SV2C: variants seen among roughly 807,000 people sequenced by gnomAD.
The protein encoded by SV2C is solute carrier family 22 member B3.
In SV2C, 49 loss-of-function variants were observed where a neutral mutation model predicts 79.7. The observed-to-expected ratio is 0.61, with a 90% confidence interval of 0.49 to 0.78. SV2C has a LOEUF of 0.78. SV2C is among the 30% of genes least tolerant of loss of function. The pLI, the probability that SV2C is intolerant of heterozygous loss-of-function variation, is 0.00. For synonymous variants in SV2C, 334 were observed against 333.2 expected (o/e 1.00, Z -0.03); for missense variants, 833 against 912.9 (o/e 0.91, Z 1.13).
the SV2C span, chr5:75,911,903 A>G: frequency 2.0e-6 from 1 of 496,106 alleles, no homozygotes; most frequent in South Asian, 1.5e-5. Context: ...CTCACCCCAC[A>G]CCTCCCCAAA....
In SV2C at chr5:76,183,271, C is replaced by T. The variant is rs546438930; in HGVS notation, c.581-11648C>T. 1.1e-4 allele frequency among the ~76,000 whole-genome samples: 16 copies of T among 151,898 alleles called. No individual in the cohort carries two copies. In the South Asian group the frequency reaches 2.1e-3, roughly 20 times the overall value. On this transcript the variant is annotated intron_variant, in intron 2 of 12. Coordinates refer to ENST00000502798, the MANE Select transcript of SV2C (RefSeq NM_014979.4). Reference sequence around the variant, plus strand: ...AACTCCTGACCTCAGGTGGTCTGCCCGCCTTGGTCTCCCAAAGTGCTGAGA... The same window carrying T: ...AACTCCTGACCTCAGGTGGTCTGCCTGCCTTGGTCTCCCAAAGTGCTGAGA...
chr5:76,100,496 G>A (rs1231563686), intron 1 of SV2C, among the ~76,000 whole-genome samples: 1 of 152,092 alleles, frequency 6.6e-6, no homozygotes, highest in East Asian at 1.9e-4. Flanking sequence ...CTTCTTAACA[G>A]GATTGAAGAA....
intron 1 of SV2C, among the ~76,000 whole-genome samples, chr5:76,111,864 A>G (rs1377270613): frequency 6.6e-6 from 1 of 152,138 alleles, no homozygotes; most frequent in African/African-American, 2.4e-5. Context: ...TGGTTTCTGG[A>G]CACTTGTCCC....
At chr5:76,049,024 A>AGAGAAAGAAAGAAAGAG in the SV2C span, among the ~76,000 whole-genome samples, 1 of 120,520 alleles carries the variant, frequency 8.3e-6, no homozygotes, top group African/African-American at 3.2e-5. Context: ...AGAAAGAAAG[A>AGAGAAAGAAAGAAAGAG]AAAAGAAAAG....
chr5:76,178,439 T>C (rs1470142860), intron 2 of SV2C, among the ~76,000 whole-genome samples: 1 of 152,206 alleles, frequency 6.6e-6, no homozygotes, highest in African/African-American at 2.4e-5. Context: ...TTGAGTTTTA[T>C]AGCAGTGGCT....
the SV2C span, among the ~76,000 whole-genome samples, chr5:76,049,024 A>AAAGAAAGAAAGAGAGAG: frequency 4.1e-5 from 5 of 120,612 alleles, no homozygotes; most frequent in South Asian, 8.8e-4. Context: ...AGAAAGAAAG[A>AAAGAAAGAAAGAGAGAG]AAAAGAAAAG....
chr5:75,964,970 G>A, the SV2C span, among the ~76,000 whole-genome samples: 39,032 of 151,958 alleles, frequency 0.26, 6,188 homozygotes, highest in Non-Finnish European at 0.37. Flanking sequence ...AATACAAACC[G>A]CAACTACAAT....
At chr5:75,969,429 A>G in the SV2C span, among the ~76,000 whole-genome samples, 1 of 152,172 alleles carries the variant, frequency 6.6e-6, no homozygotes, top group Non-Finnish European at 1.5e-5. Context: ...CAGGAAACCC[A>G]TTTCACATGC....
the SV2C span, among the ~76,000 whole-genome samples, chr5:75,877,598 C>CAA: frequency 0.015 from 2,006 of 133,036 alleles, 25 homozygotes; most frequent in African/African-American, 0.042. Flanking sequence ...AAATCAATAG[C>CAA]AAAAAAAAAA....
the SV2C span, among the ~76,000 whole-genome samples, chr5:76,032,479 T>G: frequency 6.6e-6 from 1 of 152,122 alleles, no homozygotes; most frequent in African/African-American, 2.4e-5. Flanking sequence ...TTCCCACCTA[T>G]GAGTGAGAAT....
Position 76,298,704 on chromosome 5 carries a change from G to A in SV2C, c.1503-90G>A, listed in dbSNP as rs913750743. ...TTATAATTAAGACAGTCCATAGTGG[G>A]GCATTCCATCTCTAAAACTATTTGA... On this transcript the variant is annotated intron_variant, in intron 9 of 12. Transcript: ENST00000502798. 19 of 1,448,472 alleles carry A rather than the reference G, an allele frequency of 1.3e-5. No homozygotes were observed. In the South Asian group the frequency reaches 2.3e-4, roughly 18 times the overall value. 89.7% of individuals were successfully genotyped at this position (1,448,472 alleles called of 1,614,324 possible).
intron 1 of SV2C, among the ~76,000 whole-genome samples, chr5:76,112,656 G>A (rs983180455): frequency 2.6e-5 from 4 of 152,226 alleles, no homozygotes; most frequent in African/African-American, 9.6e-5. Context: ...CAGGTGACAC[G>A]TGATGGTGGC....
the SV2C span, among the ~76,000 whole-genome samples, chr5:75,883,761 C>T: frequency 1.3e-5 from 2 of 150,702 alleles, no homozygotes; most frequent in Non-Finnish European, 3.0e-5. Context: ...TGGGTGCAGC[C>T]CACCAGCCTG....
the SV2C span, among the ~76,000 whole-genome samples, chr5:75,973,388 A>G: frequency 5.3e-5 from 8 of 151,850 alleles, no homozygotes; most frequent in Non-Finnish European, 8.8e-5. Flanking sequence ...CTAGCTGCTC[A>G]GGAGGCTAAG....
the SV2C span, among the ~76,000 whole-genome samples, chr5:76,050,062 A>C: frequency 5.3e-5 from 8 of 152,180 alleles, no homozygotes; most frequent in Non-Finnish European, 1.0e-4. Context: ...TGTGGCCAAT[A>C]TGGTGCCTAC....
chr5:76,245,727 C>T (rs1446748472), intron 4 of SV2C, among the ~76,000 whole-genome samples: 1 of 152,098 alleles, frequency 6.6e-6, no homozygotes, highest in African/African-American at 2.4e-5. Context: ...GAGCGAATTG[C>T]AGCTGGCTTG....
intron 3 of SV2C, among the ~76,000 whole-genome samples, chr5:76,199,949 T>C (rs979010770): frequency 2.6e-5 from 4 of 152,226 alleles, no homozygotes; most frequent in African/African-American, 9.6e-5. Flanking sequence ...ACTGTTAGTC[T>C]TTCTCCCAGC....
the SV2C span, among the ~76,000 whole-genome samples, chr5:75,913,358 G>C: frequency 9.8e-5 from 15 of 152,316 alleles, no homozygotes; most frequent in African/African-American, 3.4e-4. Flanking sequence ...ATTGTATCTA[G>C]GGGAAAGTTC....
At chr5:76,091,895 G>C (rs1026180313) in intron 1 of SV2C, 2 of 152,036 alleles carry the variant, frequency 1.3e-5, no homozygotes, top group Admixed American at 1.3e-4. Flanking sequence ...ATTTGCAGTG[G>C]TGAAAAATTG....
Sources: allele counts gnomAD v4.1 joint callset (sites outside exome capture counted in the v4.1 genomes callset), GRCh38; gene constraint gnomAD v4.1.1; transcripts MANE v1.5; gene names NCBI Gene and HGNC (gene_info 2026-07-23, HGNC 2026-07-21).